USH2A: variants seen among roughly 807,000 people sequenced by gnomAD.
The protein encoded by USH2A is usherin.
A neutral mutation model predicts 538.9 loss-of-function variants in USH2A; 443 were observed. The ratio of observed to expected loss-of-function variants is 0.82; its 90% confidence interval spans 0.76 to 0.89. USH2A has a LOEUF of 0.89. Among genes scored for constraint, USH2A ranks in the 40% least tolerant of loss-of-function variants. The pLI, the probability that USH2A is intolerant of heterozygous loss-of-function variation, is 0.00. For synonymous variants in USH2A, 2,413 were observed against 2,273.5 expected (o/e 1.06, Z -1.75); for missense variants, 6,633 against 6,324.8 (o/e 1.05, Z -1.65).
At chr1:215,929,355 G>C (rs1251935484) in intron 38 of USH2A, among the ~76,000 whole-genome samples, 1 of 151,962 alleles carries the variant, frequency 6.6e-6, no homozygotes, top group African/African-American at 2.4e-5. Flanking sequence ...GGATGCTGAA[G>C]GTATTTCAAA....
intron 61 of USH2A, among the ~76,000 whole-genome samples, chr1:215,717,279 C>T (rs769143113): frequency 6.6e-6 from 1 of 152,172 alleles, no homozygotes; most frequent in Non-Finnish European, 1.5e-5. Context: ...GGCTGATCAT[C>T]TGATCAAACC....
At chr1:216,414,715 T>G (rs554635176) in intron 3 of USH2A, among the ~76,000 whole-genome samples, 1 of 152,198 alleles carries the variant, frequency 6.6e-6, no homozygotes, top group African/African-American at 2.4e-5. Flanking sequence ...AGTTGTATGT[T>G]TTATTTTTTC....
Position 215,786,863 on chromosome 1 carries a change from C to T in USH2A, c.10194G>A (p.Glu3398=), listed in dbSNP as rs753372521. The T allele has an allele frequency of 1.2e-6, 2 of 1,613,836 alleles. No homozygotes were observed. The highest frequency in any genetic ancestry group is 1.7e-6 in the Non-Finnish European group (2 of 1,179,886). The part of the protein sequence containing the change: ...STGMMMKETK[E]CRILCPASME... ...TAGATGCTGGGCAGAGGATCCTGCA[C>T]TCTTTGGTTTCCTGAGTCAAGTGGC... The change falls in exon 52 of 72, where the codon GAG becomes GAA. Residue 3398 remains glutamate (E), a synonymous_variant. Transcript: ENST00000307340.
intron 14 of USH2A, 126 bp downstream of exon 14, chr1:216,231,827 A>T: frequency 1.8e-6 from 2 of 1,124,390 alleles, no homozygotes; most frequent in Non-Finnish European, 2.7e-6. Flanking sequence ...TGCTGGGATT[A>T]CAGGTGTGAG....
At chr1:216,060,253 G>A (rs1180700310) in intron 30 of USH2A, among the ~76,000 whole-genome samples, 1 of 152,194 alleles carries the variant, frequency 6.6e-6, no homozygotes, top group East Asian at 1.9e-4. Context: ...AGAATCATGT[G>A]TGAGTGACCC....
chr1:216,111,252 C>A (rs1353204857), intron 21 of USH2A, among the ~76,000 whole-genome samples: 1 of 152,008 alleles, frequency 6.6e-6, no homozygotes, highest in Non-Finnish European at 1.5e-5. Flanking sequence ...AACAAATAAA[C>A]AAACAAAAAA....
intron 32 of USH2A, among the ~76,000 whole-genome samples, chr1:216,020,971 T>C (rs756773098): frequency 1.6e-4 from 25 of 152,048 alleles, no homozygotes; most frequent in Non-Finnish European, 1.9e-4. Context: ...CTGGAGAGAA[T>C]TGTGGCTAAA....
intron 67 of USH2A, 94 bp from the exon 68 acceptor site, chr1:215,640,828 ACCG>A: frequency 1.7e-6 from 2 of 1,160,564 alleles, no homozygotes. Flanking sequence ...GCAAAATCAA[ACCG>A]AACCAATCCA....
chr1:216,409,145 A>G (rs1209540032), intron 3 of USH2A, among the ~76,000 whole-genome samples: 1 of 152,162 alleles, frequency 6.6e-6, no homozygotes, highest in African/African-American at 2.4e-5. Flanking sequence ...AGAATAAAAT[A>G]CCAGGAATAC....
In USH2A at chr1:216,395,526, C is replaced by T. The variant is rs1462368495; in HGVS notation, c.651+22988G>A. ...AATTCTCTCAGTTAAATGTGGTTAA[C>T]CTTAAATCCAAGCCTCTTCTGTACA... On this transcript the variant is annotated intron_variant, in intron 3 of 71. Coordinates refer to ENST00000307340, the MANE Select transcript of USH2A (RefSeq NM_206933.4). Among the ~76,000 whole-genome samples, 3 of 152,262 alleles carry T rather than the reference C, an allele frequency of 2.0e-5. 1 individual carries two copies. The highest frequency in any genetic ancestry group is 6.5e-5 in the Admixed American group (1 of 15,288).
intron 60 of USH2A, among the ~76,000 whole-genome samples, chr1:215,728,717 A>G (rs1384590467): frequency 1.3e-5 from 2 of 152,258 alleles, no homozygotes; most frequent in African/African-American, 4.8e-5. Flanking sequence ...ACATTTTATT[A>G]TCTTCCAGAT....
At position 215,798,938 on chromosome 1, in the gene USH2A, TCCA is replaced by T. The variant is rs773436260; in HGVS notation, c.9924_9926del (p.Gly3309del). The T allele has an allele frequency of 6.2e-7, 1 of 1,614,116 alleles. No individual in the cohort carries two copies. On this transcript the variant is annotated inframe_deletion, in exon 50 of 72. Coordinates refer to ENST00000307340, the MANE Select transcript of USH2A (RefSeq NM_206933.4). Reference sequence around the variant, plus strand: ...GGCGATTGTACACCACTCCTTCTTCTCCACCACAACACTCTAAATCGTTGCTCA... The same window carrying T: ...GGCGATTGTACACCACTCCTTCTTCTCCACAACACTCTAAATCGTTGCTCA...
At chr1:216,091,500 C>G (rs536038194) in intron 22 of USH2A, among the ~76,000 whole-genome samples, 7 of 152,244 alleles carry the variant, frequency 4.6e-5, no homozygotes, top group African/African-American at 1.7e-4. Flanking sequence ...TTTATTGTAT[C>G]TTTTAACAAT....
At chr1:215,991,433 C>G (rs1365206745) in intron 35 of USH2A, among the ~76,000 whole-genome samples, 1 of 151,802 alleles carries the variant, frequency 6.6e-6, no homozygotes, top group Non-Finnish European at 1.5e-5. Flanking sequence ...AAACAAAAAG[C>G]TAAAAAATTG....
intron 26 of USH2A, among the ~76,000 whole-genome samples, chr1:216,083,088 T>C (rs1018771896): frequency 3.3e-5 from 5 of 151,990 alleles, no homozygotes; most frequent in Admixed American, 2.0e-4. Context: ...TATATTATTA[T>C]ACTTGATTAT....
chr1:216,024,671 T>A (rs531007312), intron 32 of USH2A, among the ~76,000 whole-genome samples: 1 of 152,144 alleles, frequency 6.6e-6, no homozygotes, highest in African/African-American at 2.4e-5. Context: ...CCTTCATTTA[T>A]TAATTCCATA....
At chr1:216,208,050 A>G (rs967644690) in intron 15 of USH2A, among the ~76,000 whole-genome samples, 1 of 152,228 alleles carries the variant, frequency 6.6e-6, no homozygotes, top group Non-Finnish European at 1.5e-5. Context: ...TATCAGGCAC[A>G]TAAGAAATAA....
intron 4 of USH2A, among the ~76,000 whole-genome samples, chr1:216,336,792 A>G (rs1164201958): frequency 6.6e-6 from 1 of 151,572 alleles, no homozygotes; most frequent in Non-Finnish European, 1.5e-5. Context: ...GAACTAACCT[A>G]AAACTATAAT....
At chr1:215,670,894 A>C in intron 64 of USH2A, 78 bp downstream of exon 64, 2 of 1,449,964 alleles carry the variant, frequency 1.4e-6, no homozygotes, top group Admixed American at 1.8e-5. Flanking sequence ...GCCTTTTCAA[A>C]TTGTGCACCA....
Sources: allele counts gnomAD v4.1 joint callset (sites outside exome capture counted in the v4.1 genomes callset), GRCh38; gene constraint gnomAD v4.1.1; transcripts MANE v1.5; gene names NCBI Gene and HGNC (gene_info 2026-07-23, HGNC 2026-07-21).